UGT1A10: variants seen among roughly 807,000 people sequenced by gnomAD.
The protein encoded by UGT1A10 is UDP glucuronosyltransferase family 1 member A10.
Under a neutral mutation model 45.8 loss-of-function variants are expected in UGT1A10, and 49 were observed. The observed-to-expected ratio is 1.07, with a 90% CI of 0.85 to 1.36. The LOEUF (loss-of-function observed/expected upper bound fraction) is 1.36, where lower values mean the gene tolerates loss of function less well. Among genes scored for constraint, UGT1A10 ranks in the 40% most tolerant of loss-of-function variants. The pLI, the probability that UGT1A10 is intolerant of heterozygous loss-of-function variation, is 0.00. For missense variants in UGT1A10, 745 were observed against 668.6 expected, an observed-to-expected ratio of 1.11 and a Z score of -1.26; for synonymous variants, 284 against 249.7, an observed-to-expected ratio of 1.14 and a Z score of -1.29.
intron 1 of UGT1A10, chr2:233,748,124 G>A (rs1575688214): frequency 6.2e-7 from 1 of 1,610,748 alleles, no homozygotes; most frequent in South Asian, 1.1e-5. Flanking sequence ...AGGCAAAACA[G>A]TTTTTAAAAA....
chr2:233,757,560 A>ATATATATATATATATATG (rs904896556), intron 1 of UGT1A10, among the ~76,000 whole-genome samples: 7 of 123,144 alleles, frequency 5.7e-5, no homozygotes, highest in African/African-American at 1.7e-4. Context: ...ATATATATAT[A>ATATATATATATATATATG]TGTATATATG....
intron 1 of UGT1A10, among the ~76,000 whole-genome samples, chr2:233,725,264 GGAGGCAGAGGCAGAGGCAGAGGCA>G (rs551912265): frequency 0.039 from 2,279 of 58,516 alleles, 576 homozygotes; most frequent in South Asian, 0.073. Context: ...CAGAGGCAGA[GGAGGCAGAGGCAGAGGCAGAGGCA>G]GAGGCAGAGG....
At chr2:233,692,792 T>C in intron 1 of UGT1A10, 3 of 1,374,468 alleles carry the variant, frequency 2.2e-6, no homozygotes, top group Non-Finnish European at 9.4e-7. Context: ...AGGTGAAAGC[T>C]GACACGGCCA....
At chr2:233,770,952 GA>G (rs1289547688) in intron 4 of UGT1A10, 4 of 152,160 alleles carry the variant, frequency 2.6e-5, no homozygotes, top group African/African-American at 9.7e-5. Context: ...GAACCTCAGG[GA>G]GCTTTTACTC....
chr2:233,701,555 C>T (rs1220931123), intron 1 of UGT1A10, among the ~76,000 whole-genome samples: 1 of 152,122 alleles, frequency 6.6e-6, no homozygotes, highest in African/African-American at 2.4e-5. Context: ...TTTTCAGCAC[C>T]ACACCACACC....
chr2:233,675,004 C>A (rs2074305019), intron 1 of UGT1A10, among the ~76,000 whole-genome samples: 2 of 152,142 alleles, frequency 1.3e-5, no homozygotes, highest in South Asian at 4.1e-4. Flanking sequence ...GAGAAGGAAG[C>A]ATTACTTGAT....
At chr2:233,667,011 G>A (rs1243672649) in intron 1 of UGT1A10, among the ~76,000 whole-genome samples, 3 of 152,058 alleles carry the variant, frequency 2.0e-5, no homozygotes, top group African/African-American at 7.2e-5. Context: ...AGTATTCCAT[G>A]GTGTGTATGT....
intron 1 of UGT1A10, among the ~76,000 whole-genome samples, chr2:233,710,119 C>A (rs1015983939): frequency 1.3e-5 from 2 of 152,178 alleles, no homozygotes; most frequent in Non-Finnish European, 1.5e-5. Flanking sequence ...GTTTCTATTT[C>A]CGAGTAGCAT....
chr2:233,743,543 C>A (rs1253470461), intron 1 of UGT1A10: 2 of 1,367,070 alleles, frequency 1.5e-6, no homozygotes, highest in Admixed American at 3.8e-5. Flanking sequence ...TTCCTCTGAC[C>A]CCCCCAAAAT....
chr2:233,740,547 G>A (rs1575636319), intron 1 of UGT1A10: 1 of 151,824 alleles, frequency 6.6e-6, no homozygotes, highest in African/African-American at 2.4e-5. Flanking sequence ...ACTCCAGCCA[G>A]AAAAAATGTC....
chr2:233,692,980 C>T (rs777378989), intron 1 of UGT1A10: 11 of 1,612,916 alleles, frequency 6.8e-6, no homozygotes, highest in Middle Eastern at 1.7e-4. Flanking sequence ...TCTTTATTAC[C>T]GTTGTTACTT....
chr2:233,733,707 C>G (rs1270578849), intron 1 of UGT1A10, among the ~76,000 whole-genome samples: 1 of 152,160 alleles, frequency 6.6e-6, no homozygotes, highest in Non-Finnish European at 1.5e-5. Context: ...ATTTGGTTTG[C>G]AGAATTTTAC....
intron 1 of UGT1A10, among the ~76,000 whole-genome samples, chr2:233,668,130 T>G (rs1428966298): frequency 6.6e-6 from 1 of 152,128 alleles, no homozygotes. Context: ...TATGTATACA[T>G]GTGCCGTGTT....
intron 1 of UGT1A10, among the ~76,000 whole-genome samples, chr2:233,643,614 G>A (rs2073518620): frequency 6.6e-6 from 1 of 152,018 alleles, no homozygotes; most frequent in Non-Finnish European, 1.5e-5. Context: ...TCCTCAAGCA[G>A]AATGAGTTTT....
At chr2:233,743,824 G>C (rs757559777) in intron 1 of UGT1A10, 1 of 1,367,262 alleles carries the variant, frequency 7.3e-7, no homozygotes, top group Non-Finnish European at 9.8e-7. Flanking sequence ...TTTTGTCGGG[G>C]TGCCACTTGA....
chr2:233,658,018 CTTT>C (rs34352422), intron 1 of UGT1A10, among the ~76,000 whole-genome samples: 107 of 128,028 alleles, frequency 8.4e-4, no homozygotes, highest in East Asian at 4.6e-3. Flanking sequence ...GTTTCCTCCT[CTTT>C]TTTTTTTTTT....
rs540500479 is a variant in UGT1A10 at position 233,771,122 on chromosome 2, G to A, written c.1296-1140G>A. On this transcript the variant is annotated intron_variant, in intron 4 of 4. Coordinates refer to ENST00000344644, the MANE Select transcript of UGT1A10 (RefSeq NM_019075.4). ...GACAGCACTAAAGCACAAGGGATCCGACCCCATGATCCAAACACCTCCCAC... is the reference window on the plus strand; with the variant it reads ...GACAGCACTAAAGCACAAGGGATCCAACCCCATGATCCAAACACCTCCCAC... 7.1e-4 allele frequency: 108 copies of A among 152,186 alleles called. 1 individual carries two copies. The highest frequency in any genetic ancestry group is 2.5e-3 in the African/African-American group (104 of 41,518). 9.4% of individuals were successfully genotyped at this position (152,186 alleles called of 1,614,324 possible). A position where few individuals can be genotyped will look rare whatever the true frequency, so the allele number is the denominator to read the frequency against.
At chr2:233,715,990 C>G (rs1207588761) in intron 1 of UGT1A10, among the ~76,000 whole-genome samples, 3 of 152,156 alleles carry the variant, frequency 2.0e-5, no homozygotes, top group Non-Finnish European at 4.4e-5. Context: ...TAAAACACAA[C>G]AAAACCCAAA....
intron 1 of UGT1A10, chr2:233,672,099 G>A (rs1427822669): frequency 6.2e-7 from 1 of 1,614,164 alleles, no homozygotes; most frequent in Admixed American, 1.7e-5. Flanking sequence ...GGCATGAGGT[G>A]GTTGTAGTCA....
Sources: gnomAD v4.1 joint callset for allele counts (sites outside exome capture counted in the v4.1 genomes callset) on GRCh38, gnomAD v4.1.1 for gene constraint, MANE v1.5 for transcripts, NCBI Gene and HGNC (gene_info 2026-07-23, HGNC 2026-07-21) for gene names.